The following C9orf43 variants were observed in gnomAD, a reference collection of about 807,000 sequenced individuals.
The protein encoded by C9orf43 is chromosome 9 open reading frame 43.
A neutral mutation model predicts 59.1 loss-of-function variants in C9orf43; 45 were observed. The ratio of observed to expected loss-of-function variants is 0.76; its 90% CI spans 0.60 to 0.98. The LOEUF (loss-of-function observed/expected upper bound fraction) is 0.98, where lower values mean the gene tolerates loss of function less well. C9orf43 is among the 50% of genes least tolerant of loss of function. The pLI is 0.00. For missense variants in C9orf43, 533 were observed against 554.9 expected (o/e 0.96, Z 0.40); for synonymous variants, 203 against 196.8 (o/e 1.03, Z -0.26).
At chr9:113,411,363 A>G (rs543390858) in intron 1 of C9orf43, among the ~76,000 whole-genome samples, 6 of 147,130 alleles carry the variant, frequency 4.1e-5, no homozygotes, top group Non-Finnish European at 7.4e-5. Flanking sequence ...AGTGGCGCCG[A>G]TTTCGGCTCA....
In C9orf43 at chr9:113,413,642, A is replaced by C. The variant is rs762605848; in HGVS notation, c.149A>C (p.Glu50Ala). 7 of 1,614,080 alleles carry C rather than the reference A, an allele frequency of 4.3e-6. No individual in the cohort carries two copies. The Admixed American group carries it at 1.2e-4, about 27-fold the overall frequency. The change falls in exon 2 of 14, where the codon GAA becomes GCA. Residue 50 changes from glutamate to alanine, a missense_variant and splice_region_variant. Glu to Ala is a moderately radical substitution (Grantham distance 107, BLOSUM62 -1). Coordinates refer to ENST00000374165, the MANE Select transcript of C9orf43 (RefSeq NM_001278629.2). ...GSSCKTPLDA[E>A]DKLPVLTVVD... ...TCCTGCAAAACTCCCCTGGATGCTG[A>C]AGGTGAATTAGCCAGCTTCTGTCCT...
intron 2 of C9orf43, 24 bp from the exon 3 acceptor site, chr9:113,413,735 T>A (rs954038039): frequency 6.2e-7 from 1 of 1,612,984 alleles, no homozygotes; most frequent in Admixed American, 1.7e-5. Context: ...GGTTAACATG[T>A]TTTCTTCTGG....
intron 8 of C9orf43, among the ~76,000 whole-genome samples, chr9:113,424,536 T>C (rs1366192650): frequency 1.3e-5 from 2 of 150,686 alleles, no homozygotes; most frequent in South Asian, 2.1e-4. Flanking sequence ...TTTTTTTTTT[T>C]CTTTTTTGAG....
chr9:113,423,617 G>T, intron 7 of C9orf43, 119 bp downstream of exon 7: 1 of 942,648 alleles, frequency 1.1e-6, no homozygotes, highest in Non-Finnish European at 1.6e-6. Flanking sequence ...ACCCCGATTT[G>T]TTTACTGAAC....
In C9orf43 at chr9:113,410,828, G is replaced by A. The variant is rs1352701522; in HGVS notation, c.-223G>A. Reference sequence around the variant, plus strand: ...GGGCCACGTTTTACCACTTGATTTAGCAACCCTAAGCGGTTTGGAATCTGC... The same window carrying A: ...GGGCCACGTTTTACCACTTGATTTAACAACCCTAAGCGGTTTGGAATCTGC... On this transcript the variant is annotated 5_prime_UTR_variant, in exon 1 of 14. Coordinates refer to ENST00000374165, the MANE Select transcript of C9orf43 (RefSeq NM_001278629.2). 5.6e-6 allele frequency: 3 copies of A among 535,738 alleles called. No homozygotes were observed. The highest frequency in any genetic ancestry group is 7.2e-6 in the Non-Finnish European group (3 of 415,760). 33.2% of individuals were successfully genotyped at this position (535,738 alleles called of 1,614,324 possible).
chr9:113,428,600 G>C (rs1414802822), intron 12 of C9orf43, among the ~76,000 whole-genome samples: 1 of 152,138 alleles, frequency 6.6e-6, no homozygotes, highest in Admixed American at 6.5e-5. Context: ...GAAGAAATAG[G>C]CCCTATCTCC....
chr9:113,423,808 A>G (rs886479360), intron 7 of C9orf43, among the ~76,000 whole-genome samples: 29 of 152,218 alleles, frequency 1.9e-4, no homozygotes, highest in African/African-American at 6.8e-4. Flanking sequence ...TAGGCAGAAT[A>G]TGTGGTCTGC....
At position 113,423,340 on chromosome 9, in the gene C9orf43, T is replaced by G; in HGVS notation, c.498T>G (p.Phe166Leu). ...TTCTCTTCCAGAAAAGCAAGTCATT[T>G]CTGGGTCTCTCTGGAAATCAGTCCG... ...RKNSAVKSKS[F>L]LGLSGNQSAG... The change falls in exon 7 of 14, where the codon TTT (phenylalanine) becomes TTG (leucine). Residue 166 changes from phenylalanine to leucine, a missense_variant. Transcript: ENST00000374165. 6.2e-7 allele frequency: 1 copy of G among 1,613,838 alleles called. No homozygotes were observed. The highest frequency in any genetic ancestry group is 8.5e-7 in the Non-Finnish European group (1 of 1,179,798).
intron 5 of C9orf43, 33 bp from the exon 6 acceptor site, chr9:113,422,516 T>C (rs768744669): frequency 6.9e-6 from 11 of 1,599,870 alleles, no homozygotes; most frequent in Non-Finnish European, 8.5e-7. Flanking sequence ...CTGAGAAGCA[T>C]GTTTTGTTTT....
chr9:113,410,750 A>C lies in C9orf43; in HGVS notation c.-301A>C. On this transcript the variant is annotated 5_prime_UTR_variant, in exon 1 of 14. Coordinates refer to ENST00000374165, the MANE Select transcript of C9orf43 (RefSeq NM_001278629.2). ...ACTCGGCGGGGCGGATCCCTTTAGG[A>C]CCCGAGGCAGGCTCTGGGCCCGCCG... 2 of 206,860 alleles carry C rather than the reference A, an allele frequency of 9.7e-6. No homozygotes were observed. Among genetic ancestry groups the C allele is most frequent in the South Asian group, 8.7e-5 (1 of 11,532 alleles). 12.8% of individuals were successfully genotyped at this position (206,860 alleles called of 1,614,324 possible). A position where few individuals can be genotyped will look rare whatever the true frequency, so the allele number is the denominator to read the frequency against.
In C9orf43 at chr9:113,419,113, C is replaced by G. The variant is rs765544741; in HGVS notation, c.293C>G (p.Pro98Arg). ...GTGTGGAACTCATTTTTTAGGCCTC[C>G]GAAGGGTTTACCTGACAAAAGTTTG... is the stretch of plus-strand genomic sequence containing the variant. ...KFYSKFHGRP[P>R]KGLPDKSLIN... Residue 98 changes from proline (P) to arginine (R), a missense_variant, in exon 4 of 14, where the codon CCG becomes CGG. Physicochemically the swap from Pro to Arg is moderately radical, Grantham distance 103 (BLOSUM62 -2). Transcript: ENST00000374165. 1 of 1,609,024 alleles carries G rather than the reference C, an allele frequency of 6.2e-7. No homozygotes were observed. Among genetic ancestry groups the G allele is most frequent in the Admixed American group, 1.7e-5 (1 of 59,362 alleles).
chr9:113,428,222 A>G lies in C9orf43; in HGVS notation c.1106A>G (p.Gln369Arg). Residue 369 changes from glutamine to arginine, a missense_variant and splice_region_variant, in exon 12 of 14, where the codon CAG (glutamine) becomes CGG (arginine). Physicochemically the swap from Gln to Arg is conservative, Grantham distance 43. Coordinates refer to ENST00000374165, the MANE Select transcript of C9orf43 (RefSeq NM_001278629.2). Reference protein sequence around the residue: ...QQMEKGTTSKQDSTERPKMNY... With the variant: ...QQMEKGTTSKRDSTERPKMNY... The stretch of plus-strand genomic sequence containing the variant: ...ATGGAAAAAGGAACCACTTCGAAAC[A>G]GGTGAGAGTGTACCAAGGCCTCTGC... 1.2e-6 allele frequency: 2 copies of G among 1,614,116 alleles called. No homozygotes were observed. Among genetic ancestry groups the G allele is most frequent in the Non-Finnish European group, 1.7e-6 (2 of 1,179,928 alleles).
intron 9 of C9orf43, 66 bp from the exon 10 acceptor site, chr9:113,425,278 A>G: frequency 6.2e-7 from 1 of 1,600,852 alleles, no homozygotes; most frequent in South Asian, 1.1e-5. Context: ...AGGAAGGCAC[A>G]GCAGGCATTC....
intron 5 of C9orf43, 64 bp downstream of exon 5, chr9:113,421,267 G>A (rs1213082090): frequency 9.8e-6 from 12 of 1,225,448 alleles, no homozygotes; most frequent in East Asian, 4.7e-5. Flanking sequence ...CTTCTGCAGC[G>A]TCCTTTTTGT....
chr9:113,428,752 G>A (rs1022323784), intron 12 of C9orf43, 148 bp from the exon 13 acceptor site: 6 of 674,424 alleles, frequency 8.9e-6, no homozygotes, highest in South Asian at 3.6e-5. Flanking sequence ...GGCAAAGAAC[G>A]TGTGGTAAAA....
chr9:113,416,260 T>C (rs543896520), intron 3 of C9orf43, among the ~76,000 whole-genome samples: 1 of 152,348 alleles, frequency 6.6e-6, no homozygotes, highest in African/African-American at 2.4e-5. Context: ...TTTGTTCATT[T>C]CCTTGCTTGA....
At chr9:113,420,839 G>C in intron 4 of C9orf43, 1 of 962,578 alleles carries the variant, frequency 1.0e-6, no homozygotes, top group Non-Finnish European at 1.2e-6. Flanking sequence ...ATATGGGATT[G>C]GATTGGGAGT....
intron 5 of C9orf43, among the ~76,000 whole-genome samples, chr9:113,421,837 T>G: frequency 6.6e-6 from 1 of 152,230 alleles, no homozygotes; most frequent in Admixed American, 6.5e-5. Context: ...ATATATGCAT[T>G]TGTGTGTGTG....
intron 7 of C9orf43, 125 bp from the exon 8 acceptor site, chr9:113,424,041 G>C: frequency 9.8e-7 from 1 of 1,021,346 alleles, no homozygotes; most frequent in East Asian, 2.4e-5. Context: ...ATGAACACTT[G>C]TTGGTACAGG....
Sources: gnomAD v4.1 joint callset for allele counts (sites outside exome capture counted in the v4.1 genomes callset) on GRCh38, gnomAD v4.1.1 for gene constraint, MANE v1.5 for transcripts, NCBI Gene and HGNC (gene_info 2026-07-23, HGNC 2026-07-21) for gene names.